The following EPC2 variants were observed in gnomAD, a reference collection of about 807,000 sequenced individuals.
EPC2 encodes enhancer of polycomb 2.
EPC2 carries 14 observed loss-of-function variants against 92.1 expected under a neutral mutation model. The observed-to-expected ratio is 0.15, with a 90% CI of 0.10 to 0.24. EPC2 has a LOEUF of 0.24. Among genes scored for constraint, EPC2 ranks in the 10% least tolerant of loss-of-function variants. The pLI, the probability that EPC2 is intolerant of heterozygous loss-of-function variation, is 1.00. For missense variants in EPC2, 755 were observed against 971.5 expected (o/e 0.78, Z 2.96); for synonymous variants, 340 against 334.7 (o/e 1.02, Z -0.17).
intron 1 of EPC2, among the ~76,000 whole-genome samples, chr2:148,667,077 A>G (rs577450712): frequency 6.6e-6 from 1 of 152,316 alleles, no homozygotes; most frequent in South Asian, 2.1e-4. Flanking sequence ...GTAACTGAGG[A>G]TTGATATGGT....
intron 2 of EPC2, among the ~76,000 whole-genome samples, chr2:148,726,370 C>A (rs780207464): frequency 2.0e-4 from 30 of 152,116 alleles, no homozygotes; most frequent in Non-Finnish European, 3.7e-4. Context: ...AGAAACTACT[C>A]CTGTTTTTCA....
chr2:148,648,718 A>G (rs1313172431), intron 1 of EPC2, among the ~76,000 whole-genome samples: 1 of 152,162 alleles, frequency 6.6e-6, no homozygotes, highest in Non-Finnish European at 1.5e-5. Context: ...GACTTCGTTT[A>G]TATAAACAAA....
Position 148,656,006 on chromosome 2 carries a change from TG to T in EPC2, c.153+10837del, listed in dbSNP as rs1395723919. 7.1e-3 allele frequency among the ~76,000 whole-genome samples: 164 copies of T among 23,220 alleles called. 7 individuals are homozygous for T. The highest frequency in any genetic ancestry group is 0.014 in the East Asian group (34 of 2,466). The allele number at this position is 23,220 out of a possible 152,430, so 15.2% of individuals were successfully genotyped here. ...ACAGAGGCAGCTGCTGTTAGCTGTGTGTGTGTGTGTGTGTGTGTGGGGGGGG... is the reference window on the plus strand; with the variant it reads ...ACAGAGGCAGCTGCTGTTAGCTGTGTTGTGTGTGTGTGTGTGTGGGGGGGG... On this transcript the variant is annotated intron_variant, in intron 1 of 13. Coordinates refer to ENST00000258484, the MANE Select transcript of EPC2 (RefSeq NM_015630.4).
intron 10 of EPC2, among the ~76,000 whole-genome samples, chr2:148,775,879 G>A (rs1465814867): frequency 2.1e-5 from 3 of 143,242 alleles, no homozygotes; most frequent in Non-Finnish European, 4.5e-5. Flanking sequence ...CCGGGTTCAC[G>A]CCATTCTCCT....
At chr2:148,698,909 C>T (rs1681814508) in intron 2 of EPC2, among the ~76,000 whole-genome samples, 1 of 148,688 alleles carries the variant, frequency 6.7e-6, no homozygotes, top group Non-Finnish European at 1.5e-5. Flanking sequence ...CACTGACTGT[C>T]ATAGAGTAAG....
chr2:148,721,496 T>C (rs1002927567), intron 2 of EPC2, among the ~76,000 whole-genome samples: 1 of 152,066 alleles, frequency 6.6e-6, no homozygotes, highest in Admixed American at 6.5e-5. Flanking sequence ...TTTTCTGATG[T>C]TTGAATATCA....
In EPC2 at chr2:148,693,675, C is replaced by A. The variant is rs761041420; in HGVS notation, c.313+3302C>A. Reference sequence around the variant, plus strand: ...AGTCCCAGAGTGTAGTCTCAGTACACTTTTCCTTCCTAATTTCTTTAACCC... The same window carrying A: ...AGTCCCAGAGTGTAGTCTCAGTACAATTTTCCTTCCTAATTTCTTTAACCC... On this transcript the variant is annotated intron_variant, in intron 2 of 13. Coordinates refer to ENST00000258484, the MANE Select transcript of EPC2 (RefSeq NM_015630.4). 2.6e-5 allele frequency among the ~76,000 whole-genome samples: 4 copies of A among 151,948 alleles called. No homozygotes were observed. In the South Asian group the frequency reaches 8.3e-4, roughly 32 times the overall value.
intron 1 of EPC2, among the ~76,000 whole-genome samples, chr2:148,674,387 C>G (rs1024656537): frequency 6.6e-6 from 1 of 151,140 alleles, no homozygotes; most frequent in Non-Finnish European, 1.5e-5. Flanking sequence ...AGAATTAGTC[C>G]CTTCTACATT....
intron 6 of EPC2, among the ~76,000 whole-genome samples, chr2:148,763,279 A>C (rs1683336775): frequency 6.6e-6 from 1 of 152,126 alleles, no homozygotes; most frequent in Admixed American, 6.5e-5. Context: ...ACCTTGAGTG[A>C]CTTTGAGAAA....
intron 2 of EPC2, among the ~76,000 whole-genome samples, chr2:148,708,811 C>A (rs1040917381): frequency 6.6e-6 from 1 of 152,188 alleles, no homozygotes; most frequent in African/African-American, 2.4e-5. Context: ...ATGCTAAAAA[C>A]TCTCAATAAA....
chr2:148,663,075 A>G (rs1173011717), intron 1 of EPC2, among the ~76,000 whole-genome samples: 1 of 151,600 alleles, frequency 6.6e-6, no homozygotes, highest in East Asian at 1.9e-4. Context: ...AAGTAGGGTG[A>G]GATGATTTAC....
intron 1 of EPC2, among the ~76,000 whole-genome samples, chr2:148,680,064 C>T (rs1681363626): frequency 6.7e-6 from 1 of 150,318 alleles, no homozygotes; most frequent in Non-Finnish European, 1.5e-5. Context: ...TTCTGCCTGG[C>T]ACTGGAAGCC....
At chr2:148,691,620 G>A (rs1681645378) in intron 2 of EPC2, 2 of 1,549,972 alleles carry the variant, frequency 1.3e-6, no homozygotes, top group Non-Finnish European at 1.7e-6. Context: ...GTTTCTGCCA[G>A]GCATTTGGGG....
At position 148,743,630 on chromosome 2, in the gene EPC2, C is replaced by G; in HGVS notation, c.322C>G (p.Leu108Val). 1.3e-6 allele frequency: 2 copies of G among 1,565,722 alleles called. No individual in the cohort carries two copies. Among genetic ancestry groups the G allele is most frequent in the East Asian group, 2.3e-5 (1 of 43,826 alleles). ...TTTTCTTTCTTTTCTAGCTTTTAAT[C>G]TAGACAACGAGCAACCAGATTATGA... Reference protein sequence around the residue: ...KQFIHIQPFNLDNEQPDYDMD... With the variant: ...KQFIHIQPFNVDNEQPDYDMD... Residue 108 changes from leucine (L) to valine (V), a missense_variant, in exon 3 of 14, where the codon CTA becomes GTA. Coordinates refer to ENST00000258484, the MANE Select transcript of EPC2 (RefSeq NM_015630.4).
intron 1 of EPC2, among the ~76,000 whole-genome samples, 184 bp from the exon 2 acceptor site, chr2:148,690,027 TATC>T (rs1169684133): frequency 6.6e-6 from 1 of 152,236 alleles, no homozygotes; most frequent in Non-Finnish European, 1.5e-5. Context: ...TCTAAGGTGT[TATC>T]AGTATGAGCC....
intron 2 of EPC2, among the ~76,000 whole-genome samples, chr2:148,704,148 G>A (rs554165468): frequency 2.0e-5 from 3 of 152,216 alleles, no homozygotes; most frequent in Admixed American, 6.5e-5. Flanking sequence ...ATTAATACAG[G>A]TATTCATCAC....
At chr2:148,666,711 A>C (rs1681061957) in intron 1 of EPC2, among the ~76,000 whole-genome samples, 1 of 152,160 alleles carries the variant, frequency 6.6e-6, no homozygotes, top group Non-Finnish European at 1.5e-5. Flanking sequence ...CAGCATCATC[A>C]AACATCACCT....
intron 10 of EPC2, among the ~76,000 whole-genome samples, chr2:148,781,045 G>C (rs1376752738): frequency 6.6e-6 from 1 of 152,100 alleles, no homozygotes; most frequent in African/African-American, 2.4e-5. Context: ...TCAGTTTTCT[G>C]AATACTTGTC....
At chr2:148,706,146 G>C (rs1344620817) in intron 2 of EPC2, among the ~76,000 whole-genome samples, 1 of 152,158 alleles carries the variant, frequency 6.6e-6, no homozygotes, top group Non-Finnish European at 1.5e-5. Context: ...ACAGTGTAGA[G>C]AAGACCTTAA....
Sources: allele counts gnomAD v4.1 joint callset (sites outside exome capture counted in the v4.1 genomes callset), GRCh38; gene constraint gnomAD v4.1.1; transcripts MANE v1.5; gene names NCBI Gene and HGNC (gene_info 2026-07-23, HGNC 2026-07-21).